FHL1: variants seen among roughly 807,000 people sequenced by gnomAD.
FHL1 encodes the protein four and a half LIM domains 1, also known as four and a half LIM domains protein 1.
A neutral mutation model predicts 20.3 loss-of-function variants in FHL1; 1 was observed. The observed-to-expected ratio is 0.05, with a 90% CI of 0.02 to 0.23. The LOEUF (loss-of-function observed/expected upper bound fraction) is 0.23. Ranked by LOEUF, FHL1 falls within the 10% of genes least tolerant of loss-of-function variation. The probability of loss-of-function intolerance (pLI) is 1.00; values close to 1 mark genes in which losing one functional copy is unlikely to be tolerated. For synonymous variants in FHL1, 82 were observed against 88.9 expected (o/e 0.92, Z 0.44); for missense variants, 177 against 234.0 (o/e 0.76, Z 1.59).
In FHL1 at chrX:136,206,444, G is replaced by A. The variant is rs1297632047; in HGVS notation, c.60G>A (p.Lys20=). The part of the protein sequence containing the change: ...SSYKVGTMAE[K]FDCHYCRDPL... Reference sequence around the variant, plus strand: ...ACAAGGTGGGCACCATGGCGGAGAAGTTTGACTGCCACTACTGCAGGGATC... The same window carrying A: ...ACAAGGTGGGCACCATGGCGGAGAAATTTGACTGCCACTACTGCAGGGATC... Residue 20 remains lysine, a synonymous_variant, in exon 2 of 6, where the codon AAG becomes AAA. Transcript: ENST00000370683. 3.3e-6 allele frequency: 4 copies of A among 1,211,042 alleles called. No individual in the cohort carries two copies. In the Admixed American group the frequency reaches 6.5e-5, roughly 20 times the overall value.
intron 1 of FHL1, chrX:136,204,637 G>A (rs2073795147): frequency 8.9e-6 from 1 of 112,509 alleles, no homozygotes; most frequent in African/African-American, 3.2e-5. Flanking sequence ...TCACTCATCT[G>A]CTTCATCTGC....
At position 136,210,750 on chromosome X, in the gene FHL1, C is replaced by T. The variant is rs766382402; in HGVS notation, c.*725C>T. 5.2e-4 allele frequency: 202 copies of T among 386,847 alleles called. No homozygotes were observed. The highest frequency in any genetic ancestry group is 4.0e-3 in the African/African-American group (165 of 40,758). The allele number at this position is 386,847 out of a possible 1,213,427, so 31.9% of individuals were successfully genotyped here. A position where few individuals can be genotyped will look rare whatever the true frequency, so the allele number is the denominator to read the frequency against. On this transcript the variant is annotated 3_prime_UTR_variant, in exon 6 of 6. Transcript: ENST00000370683. ...AAACGAGCCTGTTTCAGAGGAACAT[C>T]GTCACAACGAATACTTCTGGAAGCT... is the stretch of plus-strand genomic sequence containing the variant.
chrX:136,206,593 C>T lies in FHL1; in HGVS notation c.204+5C>T, dbSNP rs182106777. The stretch of plus-strand genomic sequence containing the variant: ...CCCATCGGTGCGGACTCCAAGGTAA[C>T]GGGCATCCCCATGTGCCAATGGGAA... On this transcript the variant is annotated splice_donor_5th_base_variant and intron_variant, in intron 2 of 5. Coordinates refer to ENST00000370683, the MANE Select transcript of FHL1 (RefSeq NM_001159699.2). 1,207 of 1,211,187 alleles carry T rather than the reference C, an allele frequency of 1.0e-3. 7 individuals carry two copies. In the African/African-American group the frequency reaches 0.018, roughly 18 times the overall value.
At chrX:136,172,813 A>G (rs1335241985) in intron 2 of FHL1, among the ~76,000 whole-genome samples, 15 of 112,270 alleles carry the variant, frequency 1.3e-4, no homozygotes, top group East Asian at 2.8e-4. Flanking sequence ...GCTCACTGCA[A>G]TCTGTACCTC....
At chrX:136,201,585 T>C (rs766740956) in intron 1 of FHL1, among the ~76,000 whole-genome samples, 23 of 111,349 alleles carry the variant, frequency 2.1e-4, no homozygotes, top group Non-Finnish European at 3.8e-5. Context: ...TTTCTGTCTA[T>C]TAGGGACCGT....
chrX:136,188,562 C>G (rs1340130091), intron 2 of FHL1, among the ~76,000 whole-genome samples: 1 of 111,463 alleles, frequency 9.0e-6, no homozygotes, highest in Non-Finnish European at 1.9e-5. Flanking sequence ...TCACTAACTG[C>G]TCATGCATGG....
upstream of FHL1, among the ~76,000 whole-genome samples, chrX:136,192,398 A>C (rs1212397966): frequency 8.9e-6 from 1 of 111,782 alleles, no homozygotes; most frequent in African/African-American, 3.3e-5. Context: ...GTTACTGATC[A>C]TGACATTACC....
At chrX:136,172,305 G>A (rs1311904705) in intron 2 of FHL1, among the ~76,000 whole-genome samples, 3 of 112,482 alleles carry the variant, frequency 2.7e-5, no homozygotes, top group Non-Finnish European at 5.6e-5. Flanking sequence ...CTATGGGCCA[G>A]GGCAGGAATG....
upstream of FHL1, among the ~76,000 whole-genome samples, chrX:136,193,243 T>C (rs1458734943): frequency 1.8e-5 from 2 of 111,753 alleles, no homozygotes; most frequent in East Asian, 2.8e-4. Context: ...AAGAAAAATC[T>C]AGTAAAGGGA....
Position 136,157,084 on chromosome X carries a change from C to T in FHL1, c.-101+9456C>T, listed in dbSNP as rs1465213259. 4.5e-5 allele frequency among the ~76,000 whole-genome samples: 5 copies of T among 111,534 alleles called. No individual in the cohort carries two copies. The East Asian group carries it at 1.4e-3, about 31-fold the overall frequency. ...ACTAAGCCAGAGCAGTGGATTTAGA[C>T]ATTTGACTTAACAAAATTTGTTTTT... On this transcript the variant is annotated intron_variant, in intron 1 of 7. Transcript: ENST00000394155.
intron 2 of FHL1, among the ~76,000 whole-genome samples, chrX:136,188,454 GCACAGGGT>G (rs2073360582): frequency 9.0e-6 from 1 of 111,273 alleles, no homozygotes; most frequent in East Asian, 2.8e-4. Context: ...GTGAGCTGAG[GCACAGGGT>G]TTAGGGAGCC....
upstream of FHL1, chrX:136,147,391 G>A (rs1356002807): frequency 2.0e-5 from 2 of 98,250 alleles, no homozygotes; most frequent in African/African-American, 3.7e-5. Flanking sequence ...GGCCCCGCGC[G>A]CGCCCCGCCC....
upstream of FHL1, among the ~76,000 whole-genome samples, chrX:136,194,238 T>C: frequency 8.9e-6 from 1 of 112,403 alleles, no homozygotes; most frequent in East Asian, 2.8e-4. Flanking sequence ...ATATTTATCT[T>C]GTTACACTTG....
In FHL1 at chrX:136,190,671, G is replaced by A. The variant is rs750836439; in HGVS notation, c.-26-15736G>A. Among the ~76,000 whole-genome samples, 9 of 111,623 alleles carry A rather than the reference G, an allele frequency of 8.1e-5. No homozygotes were observed. The South Asian group carries it at 3.4e-3, about 43-fold the overall frequency. The stretch of plus-strand genomic sequence containing the variant: ...TCTGTGACCCAGCTTAACCTCTGTT[G>A]ATGAATATAAAGTCAAGGGATAACA... On this transcript the variant is annotated intron_variant, in intron 2 of 6. Coordinates refer to the FHL1 transcript ENST00000394153.
intron 2 of FHL1, among the ~76,000 whole-genome samples, chrX:136,188,444 G>T (rs751477860): frequency 2.7e-5 from 3 of 111,267 alleles, no homozygotes; most frequent in Non-Finnish European, 5.7e-5. Flanking sequence ...TTCTCCTGCA[G>T]TGAGCTGAGG....
chrX:136,148,603 C>T (rs1033358620), intron 1 of FHL1: 2 of 111,536 alleles, frequency 1.8e-5, no homozygotes, highest in African/African-American at 3.3e-5. Flanking sequence ...TTCGAAGTTT[C>T]TCTTCCTTTC....
At chrX:136,199,844 G>C (rs1329505996) in intron 1 of FHL1, among the ~76,000 whole-genome samples, 1 of 111,908 alleles carries the variant, frequency 8.9e-6, no homozygotes, top group Non-Finnish European at 1.9e-5. Context: ...GAGCAACTCA[G>C]GCATGAGGGA....
At chrX:136,163,309 C>T (rs1206124953) in intron 1 of FHL1, among the ~76,000 whole-genome samples, 1 of 112,511 alleles carries the variant, frequency 8.9e-6, no homozygotes, top group Non-Finnish European at 1.9e-5. Flanking sequence ...CATTCTCTAG[C>T]TGCAATGAAC....
chrX:136,156,862 G>A (rs750112762), intron 1 of FHL1, among the ~76,000 whole-genome samples: 1 of 110,916 alleles, frequency 9.0e-6, no homozygotes, highest in African/African-American at 3.3e-5. Flanking sequence ...AGTTTTATGC[G>A]TCATTCTGGT....
Sources: gnomAD v4.1 joint callset for allele counts (sites outside exome capture counted in the v4.1 genomes callset) on GRCh38, gnomAD v4.1.1 for gene constraint, MANE v1.5 for transcripts, NCBI Gene and HGNC (gene_info 2026-07-23, HGNC 2026-07-21) for gene names.